Variants in SLC9A7 observed in about 807,000 individuals in gnomAD.
SLC9A7 encodes solute carrier family 9 member A7.
A neutral mutation model predicts 52.6 loss-of-function variants in SLC9A7; 19 were observed. The observed-to-expected ratio is 0.36, with a 90% CI of 0.25 to 0.53. SLC9A7 has a LOEUF of 0.53. Ranked by LOEUF, SLC9A7 falls within the 20% of genes least tolerant of loss-of-function variation. SLC9A7 has a pLI of 0.91. For missense variants in SLC9A7, 455 were observed against 597.9 expected, an observed-to-expected ratio of 0.76 and a Z score of 2.49; for synonymous variants, 226 against 252.1, an observed-to-expected ratio of 0.90 and a Z score of 0.98.
rs769562497 is a variant in SLC9A7 at position 46,672,571 on chromosome X, A to G, written c.660T>C (p.Ala220=). The G allele has an allele frequency of 1.7e-6, 2 of 1,205,477 alleles. No homozygotes were observed. The highest frequency in any genetic ancestry group is 2.2e-5 in the Admixed American group (1 of 45,602). The change falls in exon 4 of 17, where the codon GCT becomes GCC. Residue 220 remains alanine, a synonymous_variant. Transcript: ENST00000616978. The part of the protein sequence containing the change: ...SILAYAFLGT[A]VSCFIIGNLM... ...CTTACCCAATAATGAAGCATGAAAC[A>G]GCAGTCCCCAAGAAGGCATAGGCCA...
chrX:46,688,784 T>C (rs1243765909), intron 1 of SLC9A7, among the ~76,000 whole-genome samples: 1 of 110,494 alleles, frequency 9.1e-6, no homozygotes, highest in Non-Finnish European at 1.9e-5. Flanking sequence ...TATATCTTCT[T>C]TGGTGAAATG....
At chrX:46,752,747 G>A (rs1433686394) in intron 1 of SLC9A7, among the ~76,000 whole-genome samples, 1 of 110,133 alleles carries the variant, frequency 9.1e-6, no homozygotes, top group Non-Finnish European at 1.9e-5. Flanking sequence ...TTATAAGATG[G>A]TGACTGCCAG....
chrX:46,614,277 T>C (rs943506142), intron 15 of SLC9A7, among the ~76,000 whole-genome samples: 4 of 111,988 alleles, frequency 3.6e-5, no homozygotes, highest in African/African-American at 1.3e-4. Context: ...ACATCAAATG[T>C]GCTCAGAACA....
At chrX:46,709,209 G>T (rs1944651383) in intron 1 of SLC9A7, among the ~76,000 whole-genome samples, 1 of 110,448 alleles carries the variant, frequency 9.1e-6, no homozygotes, top group African/African-American at 3.3e-5. Flanking sequence ...TTCGAGACCG[G>T]CGTGGGCAAC....
intron 1 of SLC9A7, among the ~76,000 whole-genome samples, chrX:46,686,945 G>A (rs900291369): frequency 1.2e-4 from 13 of 112,263 alleles, no homozygotes; most frequent in African/African-American, 4.2e-4. Context: ...TTGTGGATAG[G>A]AAAAAAACTC....
intron 14 of SLC9A7, 31 bp from the exon 15 acceptor site, chrX:46,621,090 T>C (rs1294112632): frequency 1.9e-6 from 2 of 1,031,217 alleles, no homozygotes; most frequent in Admixed American, 2.3e-5. Context: ...ACATGCTTAG[T>C]TGTACAAAAG....
chrX:46,662,025 C>G lies in SLC9A7; in HGVS notation c.1032G>C (p.Val344=), dbSNP rs376682289. 111 of 1,192,889 alleles carry G rather than the reference C, an allele frequency of 9.3e-5. No homozygotes were observed. In the African/African-American group the frequency reaches 1.7e-3, roughly 18 times the overall value. The change falls in exon 7 of 17, where the codon GTG becomes GTC. Residue 344 remains valine, a synonymous_variant. Transcript: ENST00000616978. ...ACTACAAAAAGGATATTAGAGCAGTCACAACACCAGTCACAGCTCCCATGG... is the reference window on the plus strand; with the variant it reads ...ACTACAAAAAGGATATTAGAGCAGTGACAACACCAGTCACAGCTCCCATGG... The part of the protein sequence containing the change: ...SFTMGAVTGV[V]TALVTKFTKL...
Position 46,623,271 on chromosome X carries a change from C to T in SLC9A7, c.1741-2212G>A, listed in dbSNP as rs73493033. ...TCACTGTGGGAACAGGCGGAGCCTC[C>T]TTCCTGGCTGTACTTGGCGACTCTT... On this transcript the variant is annotated intron_variant, in intron 14 of 16. Transcript: ENST00000616978. 1.0e-2 allele frequency among the ~76,000 whole-genome samples: 1,116 copies of T among 111,907 alleles called. 15 individuals are homozygous for T. Among genetic ancestry groups the T allele is most frequent in the African/African-American group, 0.034 (1,059 of 30,794 alleles).
chrX:46,733,980 C>T (rs1245729762), intron 1 of SLC9A7, among the ~76,000 whole-genome samples: 2 of 111,976 alleles, frequency 1.8e-5, no homozygotes, highest in Non-Finnish European at 1.9e-5. Context: ...ACCAAGATTC[C>T]ACTTTATGCT....
chrX:46,742,781 G>A (rs973503139), intron 1 of SLC9A7, among the ~76,000 whole-genome samples: 1 of 112,272 alleles, frequency 8.9e-6, no homozygotes, highest in East Asian at 2.8e-4. Context: ...CAGGTGTTGT[G>A]GCTCATGCCT....
rs57157177 is a variant in SLC9A7 at position 46,730,670 on chromosome X, TTA to T, written c.325+28033_325+28034del. Reference sequence around the variant, plus strand: ...GCGAGACTGTCTCAAAAAAAAAAAATTATATATATATATATATATATATATAT... The same window carrying T: ...GCGAGACTGTCTCAAAAAAAAAAAATTATATATATATATATATATATATAT... On this transcript the variant is annotated intron_variant, in intron 1 of 16. Transcript: ENST00000616978. Among the ~76,000 whole-genome samples, 330 of 42,880 alleles carry T rather than the reference TTA, an allele frequency of 7.7e-3. 6 individuals are homozygous for T. The highest frequency in any genetic ancestry group is 0.019 in the African/African-American group (292 of 15,481). 37.2% of individuals were successfully genotyped at this position (42,880 alleles called of 115,157 possible).
intron 1 of SLC9A7, among the ~76,000 whole-genome samples, chrX:46,683,104 T>A (rs1301270437): frequency 9.2e-6 from 1 of 108,217 alleles, no homozygotes; most frequent in African/African-American, 3.4e-5. Context: ...AGCCACCACA[T>A]CCAGCCAGCC....
intron 5 of SLC9A7, among the ~76,000 whole-genome samples, chrX:46,666,967 A>C (rs1943932000): frequency 8.9e-6 from 1 of 112,060 alleles, no homozygotes; most frequent in Admixed American, 9.5e-5. Context: ...AAAATAATAA[A>C]GCTGATTTTC....
chrX:46,731,814 G>GA (rs200519017), intron 1 of SLC9A7, among the ~76,000 whole-genome samples: 17 of 108,327 alleles, frequency 1.6e-4, no homozygotes, highest in Admixed American at 1.2e-3. Context: ...AAGCCCATGG[G>GA]AAAAAAAATA....
At position 46,635,579 on chromosome X, in the gene SLC9A7, CT is replaced by C. The variant is rs1207655688; in HGVS notation, c.1676+9del. On this transcript the variant is annotated intron_variant, in intron 13 of 16. Coordinates refer to ENST00000616978, the MANE Select transcript of SLC9A7 (RefSeq NM_001257291.2). ...CCAGTTAATTTTTTCTGAGGATGCC[CT>C]TGTGTCACCTGAAGTACTGCCAGTG... The C allele has an allele frequency of 4.2e-6, 5 of 1,199,646 alleles. No individual in the cohort carries two copies. The African/African-American group carries it at 8.8e-5, about 21-fold the overall frequency.
intron 1 of SLC9A7, among the ~76,000 whole-genome samples, chrX:46,758,040 G>A (rs1556293781): frequency 8.9e-6 from 1 of 111,803 alleles, no homozygotes; most frequent in Admixed American, 9.5e-5. Flanking sequence ...AAGTAACTGG[G>A]TATAACTTTC....
At chrX:46,691,627 G>T (rs971471710) in intron 1 of SLC9A7, among the ~76,000 whole-genome samples, 1 of 112,092 alleles carries the variant, frequency 8.9e-6, no homozygotes, top group Non-Finnish European at 1.9e-5. Context: ...GAGCCCTTTA[G>T]AATTAGTTAT....
intron 1 of SLC9A7, among the ~76,000 whole-genome samples, chrX:46,729,156 G>A (rs1230911386): frequency 8.9e-6 from 1 of 111,900 alleles, no homozygotes; most frequent in Non-Finnish European, 1.9e-5. Context: ...TTTAAAAAGG[G>A]AATACTTTAA....
intron 1 of SLC9A7, among the ~76,000 whole-genome samples, chrX:46,706,005 T>G (rs762156290): frequency 9.1e-6 from 1 of 109,461 alleles, no homozygotes; most frequent in Admixed American, 9.8e-5. Context: ...CAGAGACATA[T>G]CAACCAAATG....
Sources: allele counts gnomAD v4.1 joint callset (sites outside exome capture counted in the v4.1 genomes callset), GRCh38; gene constraint gnomAD v4.1.1; transcripts MANE v1.5; gene names NCBI Gene and HGNC (gene_info 2026-07-23, HGNC 2026-07-21).